The following HYCC1 variants were observed in gnomAD, a reference collection of about 807,000 sequenced individuals.
HYCC1 encodes the protein hyccin PI4KA lipid kinase complex subunit 1, also known as hyccin.
At chr7:22,913,055 C>T in the HYCC1 span, among the ~76,000 whole-genome samples, 424 of 151,476 alleles carry the variant, frequency 2.8e-3, 2 homozygotes, top group African/African-American at 9.0e-3. Context: ...ACCTAGGAGG[C>T]GGAGGTTGCA....
the HYCC1 span, chr7:22,945,238 C>T: frequency 3.2e-6 from 1 of 311,848 alleles, no homozygotes; most frequent in Non-Finnish European, 6.0e-6. Flanking sequence ...CCAAACCAAA[C>T]CAAAACAAGA....
the HYCC1 span, chr7:22,977,359 T>C: frequency 2.5e-6 from 4 of 1,592,730 alleles, no homozygotes; most frequent in East Asian, 9.0e-5. Flanking sequence ...ATACAGATGG[T>C]TTGGATAAAG....
At chr7:22,927,671 T>G in the HYCC1 span, among the ~76,000 whole-genome samples, 1 of 152,152 alleles carries the variant, frequency 6.6e-6, no homozygotes, top group Non-Finnish European at 1.5e-5. Context: ...AATAGCAGGC[T>G]CTGAAATTGA....
At chr7:23,004,468 A>G in the HYCC1 span, among the ~76,000 whole-genome samples, 1 of 152,222 alleles carries the variant, frequency 6.6e-6, no homozygotes, top group Admixed American at 6.5e-5. Context: ...TCTTGTGACT[A>G]GCTCAATATG....
At chr7:22,983,906 T>A in the HYCC1 span, 1 of 1,180,324 alleles carries the variant, frequency 8.5e-7, no homozygotes, top group East Asian at 2.3e-5. Context: ...ATCAATCAAG[T>A]CAATACTGTT....
At chr7:22,907,646 A>C in the HYCC1 span, among the ~76,000 whole-genome samples, 1 of 152,184 alleles carries the variant, frequency 6.6e-6, no homozygotes, top group African/African-American at 2.4e-5. Flanking sequence ...GCGGGGGCCC[A>C]CCCCTGTAAT....
At chr7:22,966,031 C>A in the HYCC1 span, among the ~76,000 whole-genome samples, 1 of 151,986 alleles carries the variant, frequency 6.6e-6, no homozygotes, top group Non-Finnish European at 1.5e-5. Flanking sequence ...ATAAATCATT[C>A]AGAGAATACT....
the HYCC1 span, among the ~76,000 whole-genome samples, chr7:22,931,522 A>G: frequency 2.6e-5 from 4 of 152,198 alleles, no homozygotes; most frequent in Admixed American, 2.6e-4. Flanking sequence ...TAATGGGTAG[A>G]GGCTGAAAGA....
At chr7:22,930,263 A>G in the HYCC1 span, among the ~76,000 whole-genome samples, 2 of 151,408 alleles carry the variant, frequency 1.3e-5, no homozygotes, top group African/African-American at 4.9e-5. Context: ...TAATGGGTGC[A>G]GCACACCAAC....
the HYCC1 span, among the ~76,000 whole-genome samples, chr7:22,906,352 C>T: frequency 4.6e-5 from 7 of 151,994 alleles, no homozygotes; most frequent in East Asian, 1.9e-4. Context: ...CCAAGGCAGG[C>T]GGATCACCTG....
the HYCC1 span, among the ~76,000 whole-genome samples, chr7:23,005,751 C>T: frequency 1.3e-4 from 20 of 152,314 alleles, no homozygotes; most frequent in East Asian, 3.5e-3. Flanking sequence ...TGAAACTCTA[C>T]TTCTTGACCT....
At chr7:22,905,100 C>T in the HYCC1 span, among the ~76,000 whole-genome samples, 3 of 152,306 alleles carry the variant, frequency 2.0e-5, no homozygotes, top group African/African-American at 4.8e-5. Context: ...TGTGAACTCA[C>T]TTACCACCAA....
the HYCC1 span, among the ~76,000 whole-genome samples, chr7:22,988,032 C>T: frequency 7.9e-5 from 12 of 152,122 alleles, no homozygotes; most frequent in African/African-American, 2.9e-4. Context: ...CAGACATGTT[C>T]CCAAGCACTT....
the HYCC1 span, chr7:22,961,251 T>C: frequency 6.2e-7 from 1 of 1,607,040 alleles, no homozygotes; most frequent in Non-Finnish European, 8.5e-7. Context: ...TGGCTCTGGA[T>C]ATAATTCTAG....
chr7:22,988,580 C>T, the HYCC1 span, among the ~76,000 whole-genome samples: 1 of 152,100 alleles, frequency 6.6e-6, no homozygotes, highest in African/African-American at 2.4e-5. Flanking sequence ...TCTAGGTCCT[C>T]CCAGTGAACA....
At chr7:22,960,229 TG>T in the HYCC1 span, 3 of 1,605,994 alleles carry the variant, frequency 1.9e-6, no homozygotes, top group Admixed American at 5.0e-5. Context: ...AACAATGGTT[TG>T]ACTTGAAGAG....
the HYCC1 span, among the ~76,000 whole-genome samples, chr7:22,994,394 G>C: frequency 6.6e-6 from 1 of 152,122 alleles, no homozygotes; most frequent in African/African-American, 2.4e-5. Flanking sequence ...GTTAGAAGTT[G>C]GGATAGTGGC....
At chr7:22,917,072 T>TC in the HYCC1 span, among the ~76,000 whole-genome samples, 1 of 152,158 alleles carries the variant, frequency 6.6e-6, no homozygotes, top group Admixed American at 6.5e-5. Flanking sequence ...AGGTGTCAGA[T>TC]CCCATCGCTC....
At chr7:22,944,188 C>T in the HYCC1 span, 1 of 152,214 alleles carries the variant, frequency 6.6e-6, no homozygotes. Context: ...AACTGGACAG[C>T]TCCTTAGGTC....
Sources: allele counts gnomAD v4.1 joint callset (sites outside exome capture counted in the v4.1 genomes callset), GRCh38; gene constraint gnomAD v4.1.1; transcripts MANE v1.5; gene names NCBI Gene and HGNC (gene_info 2026-07-23, HGNC 2026-07-21).